SCRG1: variants seen among roughly 807,000 people sequenced by gnomAD.
SCRG1 encodes stimulator of chondrogenesis 1.
In SCRG1, 3 loss-of-function variants were observed where a neutral mutation model predicts 7.7. That is an observed-to-expected ratio of 0.39 (90% CI 0.18 to 1.01). The LOEUF (loss-of-function observed/expected upper bound fraction) is 1.01, where lower values mean the gene tolerates loss of function less well. Among genes scored for constraint, SCRG1 ranks in the 50% least tolerant of loss-of-function variants. The pLI, the probability that SCRG1 is intolerant of heterozygous loss-of-function variation, is 0.36. For synonymous variants in SCRG1, 46 were observed against 41.2 expected (o/e 1.12, Z -0.44); for missense variants, 110 against 117.2 (o/e 0.94, Z 0.28).
the SCRG1 span, among the ~76,000 whole-genome samples, chr4:173,417,014 C>T: frequency 6.7e-6 from 1 of 148,790 alleles, no homozygotes; most frequent in Non-Finnish European, 1.5e-5. Context: ...TCACACACAC[C>T]CCACACACAA....
At chr4:173,435,937 T>G in the SCRG1 span, among the ~76,000 whole-genome samples, 1 of 152,206 alleles carries the variant, frequency 6.6e-6, no homozygotes, top group Non-Finnish European at 1.5e-5. Context: ...GATACCTTTA[T>G]AACTTGGTCA....
chr4:173,424,556 G>T, the SCRG1 span, among the ~76,000 whole-genome samples: 5 of 152,170 alleles, frequency 3.3e-5, no homozygotes, highest in Non-Finnish European at 5.9e-5. Flanking sequence ...ACTGATGCAG[G>T]ACTACCTTCT....
At chr4:173,472,532 G>A in the SCRG1 span, among the ~76,000 whole-genome samples, 1 of 152,154 alleles carries the variant, frequency 6.6e-6, no homozygotes, top group East Asian at 1.9e-4. Context: ...GAGTCCAAAG[G>A]CCTGGGAACC....
the SCRG1 span, among the ~76,000 whole-genome samples, chr4:173,497,187 C>T: frequency 6.6e-6 from 1 of 152,156 alleles, no homozygotes; most frequent in Admixed American, 6.5e-5. Context: ...AGCACAGTCA[C>T]CTAGACTTAA....
chr4:173,448,721 A>C, the SCRG1 span, among the ~76,000 whole-genome samples: 1 of 152,168 alleles, frequency 6.6e-6, no homozygotes, highest in Non-Finnish European at 1.5e-5. Flanking sequence ...TAACTCTCTT[A>C]ATTGGATGAA....
the SCRG1 span, among the ~76,000 whole-genome samples, chr4:173,427,088 G>A: frequency 6.6e-6 from 1 of 152,194 alleles, no homozygotes; most frequent in Non-Finnish European, 1.5e-5. Flanking sequence ...ACAGGGCCAG[G>A]CACTGCCTAG....
the SCRG1 span, among the ~76,000 whole-genome samples, chr4:173,438,899 G>T: frequency 5.3e-5 from 8 of 152,056 alleles, no homozygotes; most frequent in African/African-American, 1.9e-4. Flanking sequence ...CGTGTTGGCT[G>T]TTCACCAAAC....
intron 1 of SCRG1, among the ~76,000 whole-genome samples, chr4:173,405,725 C>A (rs1739885955): frequency 6.6e-6 from 1 of 152,152 alleles, no homozygotes; most frequent in Non-Finnish European, 1.5e-5. Flanking sequence ...TTAGTTGCCT[C>A]TTGTGTCTCT....
chr4:173,400,837 A>G (rs1484640374), upstream of SCRG1, among the ~76,000 whole-genome samples: 1 of 152,168 alleles, frequency 6.6e-6, no homozygotes, highest in African/African-American at 2.4e-5. Flanking sequence ...TTTGTTTCCC[A>G]CCATTATGCT....
intron 1 of SCRG1, among the ~76,000 whole-genome samples, chr4:173,395,180 A>G (rs148340770): frequency 0.01 from 1,542 of 152,116 alleles, 13 homozygotes; most frequent in Non-Finnish European, 0.015. Context: ...CCTTAATGAT[A>G]TTTATCACAA....
upstream of SCRG1, among the ~76,000 whole-genome samples, chr4:173,408,862 G>C (rs1339612954): frequency 6.6e-6 from 1 of 151,688 alleles, no homozygotes; most frequent in African/African-American, 2.4e-5. Flanking sequence ...ATGTGGTGGC[G>C]GGCGCCTGTG....
At chr4:173,438,792 G>T in the SCRG1 span, among the ~76,000 whole-genome samples, 1 of 151,234 alleles carries the variant, frequency 6.6e-6, no homozygotes, top group Non-Finnish European at 1.5e-5. Context: ...TTCTTGCAAA[G>T]CTTGATCATG....
the SCRG1 span, among the ~76,000 whole-genome samples, chr4:173,465,206 C>T: frequency 1.3e-5 from 2 of 152,152 alleles, no homozygotes; most frequent in Non-Finnish European, 2.9e-5. Context: ...CTTAATGCCA[C>T]TGAATGACAC....
chr4:173,512,340 T>C, the SCRG1 span, among the ~76,000 whole-genome samples: 1 of 152,154 alleles, frequency 6.6e-6, no homozygotes, highest in African/African-American at 2.4e-5. Flanking sequence ...TCAGAGGAAA[T>C]GAGAATCAGC....
chr4:173,417,133 GAC>G, the SCRG1 span, among the ~76,000 whole-genome samples: 4 of 150,748 alleles, frequency 2.7e-5, no homozygotes, highest in Non-Finnish European at 4.4e-5. Flanking sequence ...CAGACAGAGA[GAC>G]ACACACAGAC....
the SCRG1 span, among the ~76,000 whole-genome samples, chr4:173,460,679 C>A: frequency 2.6e-5 from 4 of 152,228 alleles, no homozygotes; most frequent in Non-Finnish European, 4.4e-5. Context: ...CCAGGTACTA[C>A]ATCGAGGGCC....
chr4:173,473,545 A>G, the SCRG1 span, among the ~76,000 whole-genome samples: 1 of 152,310 alleles, frequency 6.6e-6, no homozygotes, highest in East Asian at 1.9e-4. Flanking sequence ...CAATCCTGGG[A>G]TTAATCCTGA....
the SCRG1 span, among the ~76,000 whole-genome samples, chr4:173,491,259 G>C: frequency 7.0e-6 from 1 of 143,300 alleles, no homozygotes; most frequent in Non-Finnish European, 1.5e-5. Context: ...AGTCCATCCT[G>C]GTTTCCTGTG....
chr4:173,432,621 G>A, the SCRG1 span, among the ~76,000 whole-genome samples: 3 of 152,134 alleles, frequency 2.0e-5, no homozygotes, highest in Non-Finnish European at 2.9e-5. Flanking sequence ...TTTACCGTGT[G>A]CCACACTCTA....
Sources: allele counts gnomAD v4.1 joint callset (sites outside exome capture counted in the v4.1 genomes callset), GRCh38; gene constraint gnomAD v4.1.1; transcripts MANE v1.5; gene names NCBI Gene and HGNC (gene_info 2026-07-23, HGNC 2026-07-21).